The following PRKCE variants were observed in gnomAD, a reference collection of about 807,000 sequenced individuals.
PRKCE encodes the protein protein kinase C epsilon.
In PRKCE, 16 loss-of-function variants were observed where a neutral mutation model predicts 85.4. The ratio of observed to expected loss-of-function variants is 0.19; its 90% CI spans 0.13 to 0.28. The LOEUF (loss-of-function observed/expected upper bound fraction) is 0.28, where lower values mean the gene tolerates loss of function less well. Ranked by LOEUF, PRKCE falls within the 10% of genes least tolerant of loss-of-function variation. The pLI is 1.00. For missense variants in PRKCE, 573 were observed against 975.2 expected (o/e 0.59, Z 5.49); for synonymous variants, 388 against 371.5 (o/e 1.04, Z -0.51).
At chr2:46,097,400 G>T (rs1042791134) in intron 11 of PRKCE, among the ~76,000 whole-genome samples, 24 of 151,854 alleles carry the variant, frequency 1.6e-4, no homozygotes, top group African/African-American at 5.6e-4. Context: ...GGCGTCTGTA[G>T]TCCCAGCTAC....
In PRKCE at chr2:46,090,995, C is replaced by G. The variant is rs539022522; in HGVS notation, c.1592+4633C>G. On this transcript the variant is annotated intron_variant, in intron 11 of 14. Transcript: ENST00000306156. ...TAATTAGCAGCTAATTGGTTCATGT[C>G]CAAGAAGTAAGAGAAGTCATTTCTC... Among the ~76,000 whole-genome samples, 108 of 152,254 alleles carry G rather than the reference C, an allele frequency of 7.1e-4. 1 individual carries two copies. The highest frequency in any genetic ancestry group is 3.4e-3 in the Middle Eastern group (1 of 294).
intron 1 of PRKCE, among the ~76,000 whole-genome samples, chr2:45,809,285 T>C (rs956973623): frequency 6.6e-6 from 1 of 152,240 alleles, no homozygotes; most frequent in Non-Finnish European, 1.5e-5. Context: ...TTTGTTATCC[T>C]GTAGCAGGAA....
At chr2:45,677,755 G>A (rs774875907) in intron 1 of PRKCE, 286 of 562,836 alleles carry the variant, frequency 5.1e-4, no homozygotes, top group Non-Finnish European at 6.1e-4. Flanking sequence ...TCTGGCTTGT[G>A]GTCGGGTGTT....
At chr2:45,892,455 T>A (rs1254332354) in intron 2 of PRKCE, among the ~76,000 whole-genome samples, 1 of 152,048 alleles carries the variant, frequency 6.6e-6, no homozygotes, top group African/African-American at 2.4e-5. Context: ...AAAAGTGAAG[T>A]GCATAAATCA....
intron 2 of PRKCE, among the ~76,000 whole-genome samples, chr2:45,935,094 T>G (rs868751690): frequency 8.5e-6 from 1 of 117,408 alleles, no homozygotes. Flanking sequence ...CACACACACA[T>G]AGAAAATGGA....
At chr2:46,079,503 G>C (rs549748097) in intron 10 of PRKCE, among the ~76,000 whole-genome samples, 2 of 152,338 alleles carry the variant, frequency 1.3e-5, no homozygotes, top group East Asian at 3.9e-4. Context: ...TGATAGGTTA[G>C]ATGATATAGA....
intron 11 of PRKCE, among the ~76,000 whole-genome samples, chr2:46,128,733 G>T: frequency 6.6e-6 from 1 of 152,146 alleles, no homozygotes; most frequent in East Asian, 1.9e-4. Flanking sequence ...TAAAAATAAG[G>T]TTGATAAGCC....
In PRKCE at chr2:45,988,580, G is replaced by A. The variant is rs1166816797; in HGVS notation, c.823+3900G>A. Among the ~76,000 whole-genome samples, 5 of 152,204 alleles carry A rather than the reference G, an allele frequency of 3.3e-5. No homozygotes were observed. In the East Asian group the frequency reaches 7.7e-4, roughly 23 times the overall value. Reference sequence around the variant, plus strand: ...CCAGACCCTTGCAGGATGCTCACACGATCATTGGGTAACTGAGATCCTTAA... The same window carrying A: ...CCAGACCCTTGCAGGATGCTCACACAATCATTGGGTAACTGAGATCCTTAA... On this transcript the variant is annotated intron_variant, in intron 6 of 14. Transcript: ENST00000306156.
intron 1 of PRKCE, among the ~76,000 whole-genome samples, chr2:45,759,466 C>T (rs1684264768): frequency 6.6e-6 from 1 of 152,208 alleles, no homozygotes; most frequent in Non-Finnish European, 1.5e-5. Context: ...TGTGAGGCTT[C>T]CCGTGCATCT....
At chr2:45,879,062 C>A (rs563030454) in intron 2 of PRKCE, among the ~76,000 whole-genome samples, 14 of 152,230 alleles carry the variant, frequency 9.2e-5, no homozygotes, top group Non-Finnish European at 1.6e-4. Context: ...AACTTTACAT[C>A]CTCGTTTTCC....
At chr2:45,702,864 GGCTAAAAGCTCT>G (rs896957505) in intron 1 of PRKCE, among the ~76,000 whole-genome samples, 14 of 152,208 alleles carry the variant, frequency 9.2e-5, no homozygotes, top group African/African-American at 3.1e-4. Context: ...GGAGTAGAAG[GGCTAAAAGCTCT>G]GCTAGAACTG....
chr2:45,884,800 G>A lies in PRKCE; in HGVS notation c.412+41737G>A, dbSNP rs532846244. 9.2e-5 allele frequency among the ~76,000 whole-genome samples: 14 copies of A among 151,598 alleles called. No homozygotes were observed. In the East Asian group the frequency reaches 2.3e-3, roughly 25 times the overall value. On this transcript the variant is annotated intron_variant, in intron 2 of 14. Transcript: ENST00000306156. ...CAACCAGCACAGAGGGATGAAGAGC[G>A]AAAGACACCCTTTCTCCAACCAGTT...
chr2:45,794,850 C>T (rs954623680), intron 1 of PRKCE, among the ~76,000 whole-genome samples: 1 of 151,224 alleles, frequency 6.6e-6, no homozygotes, highest in Non-Finnish European at 1.5e-5. Flanking sequence ...GCCCTACCCC[C>T]CCCCCCATCC....
intron 1 of PRKCE, among the ~76,000 whole-genome samples, chr2:45,748,826 T>C (rs1683334197): frequency 6.6e-6 from 1 of 152,096 alleles, no homozygotes. Flanking sequence ...ATGTTGTGCC[T>C]TTGAAAACCA....
At chr2:46,046,896 G>A (rs190367276) in intron 10 of PRKCE, among the ~76,000 whole-genome samples, 1 of 152,298 alleles carries the variant, frequency 6.6e-6, no homozygotes, top group East Asian at 1.9e-4. Flanking sequence ...GTGATCATTG[G>A]TAGGACAGCC....
chr2:46,014,062 A>T (rs1385410180), intron 10 of PRKCE, among the ~76,000 whole-genome samples: 1 of 152,158 alleles, frequency 6.6e-6, no homozygotes. Context: ...GAGCCCGCCT[A>T]CCCTTGGCTC....
chr2:46,106,372 C>T (rs1671718275), intron 11 of PRKCE, among the ~76,000 whole-genome samples: 1 of 152,218 alleles, frequency 6.6e-6, no homozygotes, highest in South Asian at 2.1e-4. Flanking sequence ...CTTAAGTGTT[C>T]ATTCCCAGTA....
At chr2:45,665,192 T>C (rs1675855147) in intron 1 of PRKCE, among the ~76,000 whole-genome samples, 1 of 152,228 alleles carries the variant, frequency 6.6e-6, no homozygotes, top group Non-Finnish European at 1.5e-5. Flanking sequence ...CAAAAATATA[T>C]GTGGCAAGTA....
At chr2:46,127,364 A>G (rs1436752880) in intron 11 of PRKCE, among the ~76,000 whole-genome samples, 1 of 152,204 alleles carries the variant, frequency 6.6e-6, no homozygotes, top group Non-Finnish European at 1.5e-5. Context: ...ACTTGTTTAT[A>G]TATATAAAAG....
Sources: gnomAD v4.1 joint callset for allele counts (sites outside exome capture counted in the v4.1 genomes callset) on GRCh38, gnomAD v4.1.1 for gene constraint, MANE v1.5 for transcripts, NCBI Gene and HGNC (gene_info 2026-07-23, HGNC 2026-07-21) for gene names.